Variants in MTMR1 observed in about 807,000 individuals in gnomAD.
MTMR1 encodes the protein myotubularin related protein 1, also known as phosphatidylinositol-3-phosphate phosphatase MTMR1.
A neutral mutation model predicts 51.6 loss-of-function variants in MTMR1; 17 were observed. That is an observed-to-expected ratio of 0.33 (90% confidence interval 0.23 to 0.49). MTMR1 has a LOEUF of 0.49. Among genes scored for constraint, MTMR1 ranks in the 20% least tolerant of loss-of-function variants. The pLI is 0.99. For missense variants in MTMR1, 386 were observed against 526.9 expected (o/e 0.73, Z 2.62); for synonymous variants, 201 against 205.6 (o/e 0.98, Z 0.19).
In MTMR1 at chrX:150,763,134, G is replaced by T. The variant is rs2043193913; in HGVS notation, c.*405G>T. On this transcript the variant is annotated 3_prime_UTR_variant, in exon 16 of 16. Coordinates refer to ENST00000445323, the MANE Select transcript of MTMR1 (RefSeq NM_001306144.3). ...CCACAACTTGAAAACTGTCTTGAATGAAGTACTTGGGGAGAAGACAGGCCA... is the reference window on the plus strand; with the variant it reads ...CCACAACTTGAAAACTGTCTTGAATTAAGTACTTGGGGAGAAGACAGGCCA... 7.8e-6 allele frequency: 1 copy of T among 128,945 alleles called. No individual in the cohort carries two copies. The highest frequency in any genetic ancestry group is 1.6e-5 in the Non-Finnish European group (1 of 63,223). The allele number at this position is 128,945 out of a possible 1,213,427, so 10.6% of individuals were successfully genotyped here.
intron 10 of MTMR1, chrX:150,735,943 C>T (rs781943813): frequency 4.6e-4 from 54 of 118,278 alleles, no homozygotes; most frequent in African/African-American, 1.6e-3. Context: ...CTCCAAAGCC[C>T]TCCACCCACG....
chrX:150,732,484 T>A (rs2042147045), intron 9 of MTMR1, 58 bp from the exon 10 acceptor site: 1 of 1,035,622 alleles, frequency 9.7e-7, no homozygotes, highest in Admixed American at 3.0e-5. Flanking sequence ...TCCTACCAGG[T>A]AATTAGAGCA....
At chrX:150,760,129 CAA>C (rs376179405) in intron 15 of MTMR1, among the ~76,000 whole-genome samples, 1 of 108,500 alleles carries the variant, frequency 9.2e-6, no homozygotes, top group African/African-American at 3.3e-5. Flanking sequence ...AAGAGAGAAC[CAA>C]AAAAGAGTAC....
chrX:150,753,751 T>A (rs1283109903), intron 14 of MTMR1, among the ~76,000 whole-genome samples: 2 of 112,246 alleles, frequency 1.8e-5, no homozygotes, highest in Non-Finnish European at 3.8e-5. Context: ...TTGCAAAAAT[T>A]TTCTCCCACT....
At chrX:150,742,816 C>CAAAAAAAAA (rs1159891625) in intron 12 of MTMR1, among the ~76,000 whole-genome samples, 3 of 21,701 alleles carry the variant, frequency 1.4e-4, no homozygotes, top group African/African-American at 1.8e-4. Context: ...GACTCCATCT[C>CAAAAAAAAA]AAAAAAAAAA....
At chrX:150,748,416 C>T (rs1473032433) in intron 13 of MTMR1, among the ~76,000 whole-genome samples, 1 of 111,429 alleles carries the variant, frequency 9.0e-6, no homozygotes, top group Non-Finnish European at 1.9e-5. Flanking sequence ...CATATATTTG[C>T]TTACAATTCA....
chrX:150,696,784 G>A (rs190642324), intron 1 of MTMR1, among the ~76,000 whole-genome samples: 1 of 110,003 alleles, frequency 9.1e-6, no homozygotes, highest in African/African-American at 3.3e-5. Flanking sequence ...GGTGGGGTGG[G>A]GTGGGGAGTG....
rs560384475 is a variant in MTMR1 at position 150,759,556 on chromosome X, A to C, written c.1858-3009A>C. Among the ~76,000 whole-genome samples the C allele has an allele frequency of 9.8e-5, 10 of 102,216 alleles. No homozygotes were observed. In the South Asian group the frequency reaches 3.8e-3, roughly 39 times the overall value. The allele number at this position is 102,216 out of a possible 115,157, so 88.8% of individuals were successfully genotyped here. A position where few individuals can be genotyped will look rare whatever the true frequency, so the allele number is the denominator to read the frequency against. On this transcript the variant is annotated intron_variant, in intron 15 of 15. Coordinates refer to ENST00000445323, the MANE Select transcript of MTMR1 (RefSeq NM_001306144.3). The stretch of plus-strand genomic sequence containing the variant: ...CTTGTGCAGCAGGTTGCAGAGGTGA[A>C]GAAATGCTGAACCAGCAGAGAGGGT...
chrX:150,741,851 A>G (rs1557417326), intron 12 of MTMR1, among the ~76,000 whole-genome samples: 2 of 112,632 alleles, frequency 1.8e-5, no homozygotes, highest in Non-Finnish European at 3.8e-5. Flanking sequence ...AAGAGATTTT[A>G]TAGTGGGGCA....
At chrX:150,715,076 A>G (rs1296708095) in intron 3 of MTMR1, among the ~76,000 whole-genome samples, 1 of 111,926 alleles carries the variant, frequency 8.9e-6, no homozygotes, top group Non-Finnish European at 1.9e-5. Context: ...ATGTGAAACA[A>G]AGAGAAGAGC....
intron 3 of MTMR1, among the ~76,000 whole-genome samples, chrX:150,714,910 C>T (rs2054554017): frequency 8.9e-6 from 1 of 111,880 alleles, no homozygotes; most frequent in Non-Finnish European, 1.9e-5. Flanking sequence ...CTATGCCCAA[C>T]ACAGTACCTG....
At chrX:150,719,038 T>G (rs1289645525) in intron 4 of MTMR1, among the ~76,000 whole-genome samples, 3 of 111,760 alleles carry the variant, frequency 2.7e-5, no homozygotes, top group African/African-American at 9.8e-5. Context: ...AGGAGACCTA[T>G]ATCATGTTTT....
chrX:150,740,016 G>A (rs2042379880), intron 12 of MTMR1, among the ~76,000 whole-genome samples: 1 of 111,370 alleles, frequency 9.0e-6, no homozygotes, highest in Non-Finnish European at 1.9e-5. Context: ...CTCCATCATG[G>A]AACTTTCCAA....
chrX:150,745,961 C>T (rs782563468), intron 13 of MTMR1, among the ~76,000 whole-genome samples: 2 of 112,261 alleles, frequency 1.8e-5, no homozygotes, highest in South Asian at 7.4e-4. Flanking sequence ...TTGCTGTAGA[C>T]TAACATTGCT....
chrX:150,741,100 G>A (rs1285193853), intron 12 of MTMR1, among the ~76,000 whole-genome samples: 3 of 111,674 alleles, frequency 2.7e-5, no homozygotes, highest in African/African-American at 9.8e-5. Flanking sequence ...CTAATCCATC[G>A]TCCCCATTGG....
rs374861046 is a variant in MTMR1 at position 150,739,635 on chromosome X, G to A, written c.1473+2187G>A. On this transcript the variant is annotated intron_variant, in intron 12 of 15. Coordinates refer to ENST00000445323, the MANE Select transcript of MTMR1 (RefSeq NM_001306144.3). Reference sequence around the variant, plus strand: ...ACATGCATCAGGGTGTGCCTACAGCGCCCTGCTCCCATCCCTACTTGCTAA... The same window carrying A: ...ACATGCATCAGGGTGTGCCTACAGCACCCTGCTCCCATCCCTACTTGCTAA... 2.4e-3 allele frequency among the ~76,000 whole-genome samples: 269 copies of A among 112,084 alleles called. 1 individual carries two copies. The highest frequency in any genetic ancestry group is 7.7e-3 in the African/African-American group (237 of 30,841).
intron 15 of MTMR1, among the ~76,000 whole-genome samples, chrX:150,760,800 G>A (rs894062593): frequency 7.4e-4 from 82 of 110,242 alleles, no homozygotes; most frequent in Middle Eastern, 4.7e-3. Flanking sequence ...GGTGGCGGGC[G>A]CCTGTAATCC....
At chrX:150,735,004 C>T (rs1000257343) in intron 10 of MTMR1, among the ~76,000 whole-genome samples, 1 of 111,772 alleles carries the variant, frequency 8.9e-6, no homozygotes, top group African/African-American at 3.3e-5. Context: ...GCCTAGTGTC[C>T]GTATAAGAAA....
chrX:150,762,368 G>A (rs782442067), intron 15 of MTMR1, among the ~76,000 whole-genome samples, 197 bp from the exon 16 acceptor site: 5 of 111,869 alleles, frequency 4.5e-5, no homozygotes, highest in East Asian at 2.8e-4. Flanking sequence ...GCTGCAGGGC[G>A]GCCTCAGTGG....
Sources: allele counts gnomAD v4.1 joint callset (sites outside exome capture counted in the v4.1 genomes callset), GRCh38; gene constraint gnomAD v4.1.1; transcripts MANE v1.5; gene names NCBI Gene and HGNC (gene_info 2026-07-23, HGNC 2026-07-21).